TBC1D8: variants seen among roughly 807,000 people sequenced by gnomAD.
TBC1D8 encodes the protein TBC1 domain family member 8, also known as BUB2-like protein 1.
TBC1D8 carries 65 observed loss-of-function variants against 118.8 expected under a neutral mutation model. That is an observed-to-expected ratio of 0.55 (90% confidence interval 0.45 to 0.67). TBC1D8 has a LOEUF of 0.67. Ranked by LOEUF, TBC1D8 falls within the 30% of genes least tolerant of loss-of-function variation. The pLI is 0.00. For synonymous variants in TBC1D8, 566 were observed against 595.8 expected, an observed-to-expected ratio of 0.95 and a Z score of 0.73; for missense variants, 1,376 against 1,471.2, an observed-to-expected ratio of 0.94 and a Z score of 1.06.
rs1336783637 is a variant in TBC1D8 at position 101,090,211 on chromosome 2, G to C, written c.281C>G (p.Thr94Ser). The C allele has an allele frequency of 4.3e-6, 7 of 1,612,468 alleles. No homozygotes were observed. The Admixed American group carries it at 6.7e-5, about 15-fold the overall frequency. The change falls in exon 2 of 20, where the codon ACT (threonine) becomes AGT (serine). Residue 94 changes from threonine (T) to serine (S), a missense_variant and splice_region_variant. Transcript: ENST00000409318. ...NGSDVYWAIATGATLEEINQH... is the reference protein window; with the variant it reads ...NGSDVYWAIASGATLEEINQH... ...ATTCCAACTGGAACAAAACTCACCA[G>C]TGGCTATGGCCCAGTAAACGTCTGA...
intron 9 of TBC1D8, 38 bp downstream of exon 9, chr2:101,035,980 A>G: frequency 1.2e-6 from 2 of 1,610,284 alleles, no homozygotes; most frequent in Non-Finnish European, 1.7e-6. Flanking sequence ...GTCCATGACA[A>G]AAAGAACAAT....
At chr2:101,008,639 C>A (rs557974075) in intron 19 of TBC1D8, among the ~76,000 whole-genome samples, 2 of 151,980 alleles carry the variant, frequency 1.3e-5, no homozygotes, top group Non-Finnish European at 2.9e-5. Context: ...ATGGAGAAAC[C>A]CCATCTCTAC....
At chr2:101,037,463 C>T (rs994516584) in intron 8 of TBC1D8, 69 bp downstream of exon 8, 20 of 1,564,766 alleles carry the variant, frequency 1.3e-5, no homozygotes, top group Admixed American at 3.8e-5. Flanking sequence ...GTGACTCAGA[C>T]AGCTGGGCAA....
chr2:101,020,559 T>C (rs960281692), intron 17 of TBC1D8, among the ~76,000 whole-genome samples: 2 of 152,168 alleles, frequency 1.3e-5, no homozygotes, highest in Admixed American at 1.3e-4. Flanking sequence ...ATAGTGCATA[T>C]TGTCAATGAG....
At chr2:101,066,592 A>T (rs1397613305) in intron 2 of TBC1D8, among the ~76,000 whole-genome samples, 1 of 152,238 alleles carries the variant, frequency 6.6e-6, no homozygotes, top group African/African-American at 2.4e-5. Context: ...GTTCAGTTCC[A>T]GACCCATGAA....
At chr2:101,037,812 G>A in intron 7 of TBC1D8, 104 bp from the exon 8 acceptor site, 1 of 1,416,026 alleles carries the variant, frequency 7.1e-7, no homozygotes, top group Non-Finnish European at 9.8e-7. Context: ...CACGGGCATA[G>A]CAGACTTCAA....
chr2:101,036,107 A>G lies in TBC1D8; in HGVS notation c.1514T>C (p.Val505Ala). The change falls in exon 9 of 20, where the codon GTG becomes GCG. Residue 505 changes from valine to alanine, a missense_variant. By Grantham distance (64) the Val-to-Ala change is moderately conservative. Transcript: ENST00000409318. ...AATCTTCTCTGTGCGAAACATACAC[A>G]CGGTTCTGCCGTATTCCACAAAGTG... ...NDHFVEYGRT[V>A]CMFRTEKIRK... is the part of the protein sequence containing the mutation. 1.2e-6 allele frequency: 2 copies of G among 1,613,848 alleles called. No individual in the cohort carries two copies. Among genetic ancestry groups the G allele is most frequent in the Non-Finnish European group, 1.7e-6 (2 of 1,179,860 alleles).
In TBC1D8 at chr2:101,038,913, C is replaced by T. The variant is rs548956922; in HGVS notation, c.1081-258G>A. ...CCCAGCCTTGAAGAGGAGGGGAATT[C>T]GGACAGAGGCTCCAGCATGGATGAG... On this transcript the variant is annotated intron_variant, in intron 6 of 19. Transcript: ENST00000409318. Among the ~76,000 whole-genome samples, 3 of 152,282 alleles carry T rather than the reference C, an allele frequency of 2.0e-5. No homozygotes were observed. In the South Asian group the frequency reaches 6.2e-4, roughly 32 times the overall value.
intron 1 of TBC1D8, among the ~76,000 whole-genome samples, chr2:101,149,421 T>C (rs1679453757): frequency 6.6e-6 from 1 of 152,156 alleles, no homozygotes; most frequent in South Asian, 2.1e-4. Context: ...ACTAACTAGA[T>C]GGTGAATCGG....
chr2:101,067,141 T>C (rs1573969902), intron 2 of TBC1D8, among the ~76,000 whole-genome samples: 1 of 152,014 alleles, frequency 6.6e-6, no homozygotes, highest in African/African-American at 2.4e-5. Flanking sequence ...GCTGGCAGAG[T>C]GTTTACGACT....
Position 101,026,506 on chromosome 2 carries a change from A to G in TBC1D8, c.2520+877T>C, listed in dbSNP as rs533064139. Among the ~76,000 whole-genome samples the G allele has an allele frequency of 7.9e-5, 12 of 152,328 alleles. No homozygotes were observed. In the East Asian group the frequency reaches 1.4e-3, roughly 17 times the overall value. ...CCCTGCAGTCACTGACTGCGGGGAA[A>G]GGCCTGCTCCATGGCTTCCAAAGCC... On this transcript the variant is annotated intron_variant, in intron 15 of 19. Transcript: ENST00000409318.
chr2:101,082,592 T>C (rs1675335570), intron 2 of TBC1D8, among the ~76,000 whole-genome samples: 1 of 152,192 alleles, frequency 6.6e-6, no homozygotes, highest in South Asian at 2.1e-4. Context: ...CATTCAGCTG[T>C]AAAAACGACG....
chr2:101,077,472 C>T (rs902626209), intron 2 of TBC1D8, among the ~76,000 whole-genome samples: 6 of 152,200 alleles, frequency 3.9e-5, no homozygotes, highest in African/African-American at 1.4e-4. Context: ...TGGTCTTGAT[C>T]TCCTCACCTC....
At chr2:101,014,293 T>G (rs997513366) in intron 17 of TBC1D8, among the ~76,000 whole-genome samples, 2 of 152,152 alleles carry the variant, frequency 1.3e-5, no homozygotes, top group African/African-American at 4.8e-5. Flanking sequence ...AAGGCCAGAA[T>G]AGATCTTTCA....
chr2:101,125,120 GCCTCCGGCCACT>G (rs1678296763), intron 1 of TBC1D8, among the ~76,000 whole-genome samples: 1 of 152,136 alleles, frequency 6.6e-6, no homozygotes. Context: ...CAATCAAGCA[GCCTCCGGCCACT>G]CCTCCGGCCA....
intron 14 of TBC1D8, 45 bp downstream of exon 14, chr2:101,028,003 G>T: frequency 6.3e-7 from 1 of 1,576,644 alleles, no homozygotes; most frequent in Non-Finnish European, 8.7e-7. Context: ...TCCCAGGTTG[G>T]CTCCCCAATA....
chr2:101,119,927 T>C (rs979067192), intron 1 of TBC1D8, among the ~76,000 whole-genome samples: 1 of 152,160 alleles, frequency 6.6e-6, no homozygotes, highest in African/African-American at 2.4e-5. Context: ...AACATGAAGA[T>C]AATAGTCTCT....
At chr2:101,133,064 G>A (rs1376486691) in intron 1 of TBC1D8, among the ~76,000 whole-genome samples, 1 of 150,974 alleles carries the variant, frequency 6.6e-6, no homozygotes, top group African/African-American at 2.4e-5. Context: ...GGAGGCTGAG[G>A]CAGGAGAATT....
In TBC1D8 at chr2:101,102,725, C is replaced by G. The variant is rs1293587509; in HGVS notation, c.128-12361G>C. 2.6e-5 allele frequency among the ~76,000 whole-genome samples: 4 copies of G among 151,852 alleles called. No individual in the cohort carries two copies. In the East Asian group the frequency reaches 7.8e-4, roughly 30 times the overall value. ...AATTTTAGACAAATAGACTTCAAAACAGGAAATATTATCAGGAATAAAGAG... is the reference window on the plus strand; with the variant it reads ...AATTTTAGACAAATAGACTTCAAAAGAGGAAATATTATCAGGAATAAAGAG... On this transcript the variant is annotated intron_variant, in intron 1 of 19. Transcript: ENST00000409318.
Sources: allele counts gnomAD v4.1 joint callset (sites outside exome capture counted in the v4.1 genomes callset), GRCh38; gene constraint gnomAD v4.1.1; transcripts MANE v1.5; gene names NCBI Gene and HGNC (gene_info 2026-07-23, HGNC 2026-07-21).